Variants in MAPK14 observed in about 807,000 individuals in gnomAD.
MAPK14 encodes mitogen-activated protein kinase 14, also known as CSAID-binding protein.
Under a neutral mutation model 49.6 loss-of-function variants are expected in MAPK14, and 16 were observed. The observed-to-expected ratio is 0.32, with a 90% CI of 0.22 to 0.49. The LOEUF (loss-of-function observed/expected upper bound fraction) is 0.49, where lower values mean the gene tolerates loss of function less well. MAPK14 is among the 20% of genes least tolerant of loss of function. The probability of loss-of-function intolerance (pLI) is 0.99; values close to 1 mark genes in which losing one functional copy is unlikely to be tolerated. For missense variants in MAPK14, 200 were observed against 441.2 expected (o/e 0.45, Z 4.90); for synonymous variants, 142 against 158.0 (o/e 0.90, Z 0.76).
At chr6:36,115,613 G>A (rs774314761), downstream of MAPK14, among the ~76,000 whole-genome samples, 2 of 151,916 alleles carry the variant, frequency 1.3e-5, no homozygotes, top group Non-Finnish European at 2.9e-5. Flanking sequence ...GGAGAAACCC[G>A]TCTCTACAGA....
At chr6:36,040,480 G>C (rs1010072254) in intron 1 of MAPK14, among the ~76,000 whole-genome samples, 20 of 152,146 alleles carry the variant, frequency 1.3e-4, no homozygotes, top group African/African-American at 4.8e-4. Flanking sequence ...TATAAATTGG[G>C]CCTCTCTAAA....
chr6:36,106,662 T>C (rs1378344123), intron 10 of MAPK14, among the ~76,000 whole-genome samples: 1 of 152,188 alleles, frequency 6.6e-6, no homozygotes, highest in African/African-American at 2.4e-5. Flanking sequence ...AAAATACATA[T>C]AAATACAGAA....
At chr6:36,064,684 G>T (rs1298140416) in intron 3 of MAPK14, among the ~76,000 whole-genome samples, 3 of 152,192 alleles carry the variant, frequency 2.0e-5, no homozygotes, top group Non-Finnish European at 4.4e-5. Context: ...CACTGAATTG[G>T]TAAAGGAAAT....
At chr6:36,086,340 C>T (rs1764984902) in intron 8 of MAPK14, among the ~76,000 whole-genome samples, 2 of 151,874 alleles carry the variant, frequency 1.3e-5, no homozygotes, top group Non-Finnish European at 2.9e-5. Flanking sequence ...CAGGAAAAAC[C>T]CTTCCAAAAA....
At chr6:36,073,635 TATATA>T (rs757839961) in intron 4 of MAPK14, 51 bp from the exon 5 acceptor site, 23 of 1,376,042 alleles carry the variant, frequency 1.7e-5, no homozygotes, top group African/African-American at 7.2e-5. Context: ...GCAAATATGT[TATATA>T]ATATGACAAT....
intron 1 of MAPK14, among the ~76,000 whole-genome samples, chr6:36,048,875 A>C (rs2127413050): frequency 6.6e-6 from 1 of 152,338 alleles, no homozygotes; most frequent in Non-Finnish European, 1.5e-5. Context: ...ATGGCATTTA[A>C]TTTAAAGTCA....
At chr6:36,064,479 C>G (rs1763966465) in intron 3 of MAPK14, among the ~76,000 whole-genome samples, 1 of 152,080 alleles carries the variant, frequency 6.6e-6, no homozygotes. Flanking sequence ...TTATCTCTGC[C>G]TCATTCTTGA....
chr6:36,052,568 CT>C lies in MAPK14; in HGVS notation c.117-126del, dbSNP rs1260605218. 1.6e-5 allele frequency: 12 copies of C among 756,910 alleles called. No homozygotes were observed. The Admixed American group carries it at 4.2e-4, about 27-fold the overall frequency. 46.9% of individuals were successfully genotyped at this position (756,910 alleles called of 1,614,324 possible). A position where few individuals can be genotyped will look rare whatever the true frequency, so the allele number is the denominator to read the frequency against. On this transcript the variant is annotated intron_variant, in intron 1 of 11. Coordinates refer to ENST00000229794, the MANE Select transcript of MAPK14 (RefSeq NM_139012.3). ...GATAATGGGATAATAGGTCATTTTG[CT>C]TTTTATCTTTATGCTTTTTTTTGGT...
chr6:36,066,039 CAT>C (rs939898570), intron 3 of MAPK14, among the ~76,000 whole-genome samples: 5 of 152,148 alleles, frequency 3.3e-5, no homozygotes, highest in Non-Finnish European at 7.4e-5. Context: ...ACTGACAAAA[CAT>C]GTGGGTGAGC....
Position 36,073,737 on chromosome 6 carries a change from T to C in MAPK14, c.447+17T>C, listed in dbSNP as rs564376481. On this transcript the variant is annotated intron_variant, in intron 5 of 11. Transcript: ENST00000229794. ...ATTCACAGGGTATGTATTGTGACTT[T>C]GATTACATTATTTTGGGGAAGTGGG... 1 of 1,610,366 alleles carries C rather than the reference T, an allele frequency of 6.2e-7. No individual in the cohort carries two copies. The highest frequency in any genetic ancestry group is 8.5e-7 in the Non-Finnish European group (1 of 1,178,074).
At chr6:36,051,139 C>T (rs563086390) in intron 1 of MAPK14, among the ~76,000 whole-genome samples, 33 of 150,616 alleles carry the variant, frequency 2.2e-4, no homozygotes, top group Non-Finnish European at 4.0e-4. Context: ...TTTTTGAGAC[C>T]GAGTTTCACT....
intron 8 of MAPK14, among the ~76,000 whole-genome samples, chr6:36,090,854 C>T (rs1765198295): frequency 6.6e-6 from 1 of 152,178 alleles, no homozygotes; most frequent in African/African-American, 2.4e-5. Context: ...TCCTCTCTAA[C>T]TTGAAAATAC....
Position 36,028,307 on chromosome 6 carries a change from A to G in MAPK14, c.116+34A>G, listed in dbSNP as rs1222991352. On this transcript the variant is annotated intron_variant, in intron 1 of 11. Transcript: ENST00000229794. The surrounding 1 kb of genome is among the most constrained non-coding windows in gnomAD (Gnocchi z 5.1). ...CGCTGGGCCTGGGGCCGCTGTGGGC[A>G]GGGTGGCCCCTCGCGCCCGAGGGCC... is the stretch of plus-strand genomic sequence containing the variant. The G allele has an allele frequency of 2.4e-5, 36 of 1,530,466 alleles. No homozygotes were observed. Among genetic ancestry groups the G allele is most frequent in the Non-Finnish European group, 3.3e-5 (36 of 1,105,812 alleles). 94.8% of individuals were successfully genotyped at this position (1,530,466 alleles called of 1,614,324 possible).
intron 1 of MAPK14, among the ~76,000 whole-genome samples, chr6:36,036,893 A>T (rs919804603): frequency 6.6e-6 from 1 of 152,070 alleles, no homozygotes; most frequent in Non-Finnish European, 1.5e-5. Context: ...GGTGTGCACC[A>T]CCATGCCCAG....
intron 4 of MAPK14, 115 bp from the exon 5 acceptor site, chr6:36,073,576 A>G (rs1264112338): frequency 6.4e-6 from 5 of 775,472 alleles, no homozygotes; most frequent in Non-Finnish European, 8.6e-6. Context: ...GCTGATTTCT[A>G]ATCTTACTAT....
chr6:36,082,028 AT>A (rs751248169), intron 8 of MAPK14, among the ~76,000 whole-genome samples: 1 of 151,936 alleles, frequency 6.6e-6, no homozygotes, highest in Non-Finnish European at 1.5e-5. Flanking sequence ...TGGTGTGTTC[AT>A]TGTTGATATA....
At chr6:36,052,658 C>T in intron 1 of MAPK14, 41 bp from the exon 2 acceptor site, 1 of 1,560,172 alleles carries the variant, frequency 6.4e-7, no homozygotes, top group Non-Finnish European at 8.6e-7. Context: ...ATATTTAGAA[C>T]AGCTTTTTAA....
downstream of MAPK14, among the ~76,000 whole-genome samples, chr6:36,112,371 G>A (rs367917073): frequency 1.2e-3 from 181 of 152,248 alleles, 3 homozygotes; most frequent in South Asian, 0.036. Context: ...CACTTAAAAC[G>A]GGGACCAAAA....
At chr6:36,080,199 A>G (rs1181930486) in intron 8 of MAPK14, among the ~76,000 whole-genome samples, 1 of 152,114 alleles carries the variant, frequency 6.6e-6, no homozygotes. Context: ...TAGCCTCCCA[A>G]ATTGCTAGAT....
Sources: gnomAD v4.1 joint callset for allele counts (sites outside exome capture counted in the v4.1 genomes callset) on GRCh38, gnomAD v4.1.1 for gene constraint, Gnocchi (gnomAD v3.1) non-coding constraint, MANE v1.5 for transcripts, NCBI Gene and HGNC (gene_info 2026-07-23, HGNC 2026-07-21) for gene names.